Variants in C2CD3 observed in about 807,000 individuals in gnomAD.
C2CD3 encodes C2 domain-containing protein 3.
Under a neutral mutation model 234.0 loss-of-function variants are expected in C2CD3, and 148 were observed. That is an observed-to-expected ratio of 0.63 (90% CI 0.55 to 0.72). The LOEUF (loss-of-function observed/expected upper bound fraction) is 0.72. Among genes scored for constraint, C2CD3 ranks in the 30% least tolerant of loss-of-function variants. C2CD3 has a pLI of 0.00. For missense variants in C2CD3, 2,577 were observed against 2,811.5 expected, an observed-to-expected ratio of 0.92 and a Z score of 1.89; for synonymous variants, 1,000 against 1,035.4, an observed-to-expected ratio of 0.97 and a Z score of 0.66.
chr11:74,094,962 T>G (rs933159220), intron 17 of C2CD3, among the ~76,000 whole-genome samples: 2 of 152,066 alleles, frequency 1.3e-5, no homozygotes, highest in African/African-American at 2.4e-5. Flanking sequence ...ATAGGGCAAA[T>G]GCAAATAATT....
At chr11:74,149,418 C>T (rs1012136149) in intron 3 of C2CD3, among the ~76,000 whole-genome samples, 2 of 152,004 alleles carry the variant, frequency 1.3e-5, no homozygotes, top group Admixed American at 6.6e-5. Flanking sequence ...CCAGGCTGAA[C>T]GTGAACTCCT....
intron 3 of C2CD3, among the ~76,000 whole-genome samples, chr11:74,151,543 T>G (rs1855662047): frequency 6.6e-6 from 1 of 151,532 alleles, no homozygotes; most frequent in Non-Finnish European, 1.5e-5. Flanking sequence ...GCCAGGCTGG[T>G]TTCAAACTCC....
chr11:74,132,904 T>C lies in C2CD3; in HGVS notation c.1157A>G (p.Asn386Ser). The stretch of plus-strand genomic sequence containing the variant: ...TTTTGTGTCATGTCTCCAAAATGTA[T>C]TCTCAGTTGAAGGGAGGAGGTGATC... ...IEDHLLPSTE[N>S]TFWRHDTKAD... The change falls in exon 7 of 33, where the codon AAT becomes AGT. Residue 386 changes from asparagine to serine, a missense_variant. Coordinates refer to ENST00000334126, the MANE Select transcript of C2CD3 (RefSeq NM_001286577.2). 6.2e-7 allele frequency: 1 copy of C among 1,613,824 alleles called. No homozygotes were observed. Among genetic ancestry groups the C allele is most frequent in the Non-Finnish European group, 8.5e-7 (1 of 1,179,724 alleles).
chr11:74,163,509 G>A (rs1004319571), intron 2 of C2CD3, among the ~76,000 whole-genome samples: 18 of 152,140 alleles, frequency 1.2e-4, no homozygotes, highest in Non-Finnish European at 2.5e-4. Flanking sequence ...TCACAAGTGC[G>A]GTTCTCCTTA....
chr11:74,020,696 G>C (rs1316932958), intron 32 of C2CD3, among the ~76,000 whole-genome samples: 1 of 152,212 alleles, frequency 6.6e-6, no homozygotes, highest in Admixed American at 6.5e-5. Flanking sequence ...CCTGTCTTCT[G>C]CACCTAGCTC....
chr11:74,127,917 T>A (rs1417352190), intron 7 of C2CD3, among the ~76,000 whole-genome samples: 1 of 151,806 alleles, frequency 6.6e-6, no homozygotes, highest in Admixed American at 6.6e-5. Flanking sequence ...GGCTGGAGTG[T>A]AGTGGCGCGA....
In C2CD3 at chr11:74,123,242, T is replaced by G. The variant is rs1274174073; in HGVS notation, c.1218-107A>C. 2.7e-5 allele frequency: 21 copies of G among 763,638 alleles called. No homozygotes were observed. The East Asian group carries it at 5.4e-4, about 19-fold the overall frequency. 47.3% of individuals were successfully genotyped at this position (763,638 alleles called of 1,614,324 possible). ...GGTTCTAAATGTGGAAGGAGATATG[T>G]TAAACAAAAGACTCACATTAAACAA... On this transcript the variant is annotated intron_variant, in intron 7 of 32. Transcript: ENST00000334126.
At chr11:74,077,608 A>G (rs938782887) in intron 23 of C2CD3, among the ~76,000 whole-genome samples, 1 of 151,190 alleles carries the variant, frequency 6.6e-6, no homozygotes, top group Non-Finnish European at 1.5e-5. Context: ...GGAGGGGAAC[A>G]TCATACACTG....
chr11:74,151,609 G>A (rs1353795755), intron 3 of C2CD3, among the ~76,000 whole-genome samples: 1 of 152,118 alleles, frequency 6.6e-6, no homozygotes, highest in Non-Finnish European at 1.5e-5. Flanking sequence ...TTACAGGCAT[G>A]AGCCAACGTG....
Position 74,052,350 on chromosome 11 carries a change from C to A in C2CD3, c.5155+2257G>T, listed in dbSNP as rs1055124710. The stretch of plus-strand genomic sequence containing the variant: ...GTACTTTACATATATTATCTCTAAT[C>A]CTCACAAATTCTGCAAGGCCAGTAC... On this transcript the variant is annotated intron_variant, in intron 26 of 32. Transcript: ENST00000334126. 5.9e-5 allele frequency among the ~76,000 whole-genome samples: 9 copies of A among 152,154 alleles called. No individual in the cohort carries two copies. In the East Asian group the frequency reaches 1.5e-3, roughly 26 times the overall value.
At chr11:74,155,268 A>G (rs1855934601) in intron 3 of C2CD3, among the ~76,000 whole-genome samples, 1 of 152,252 alleles carries the variant, frequency 6.6e-6, no homozygotes, top group Admixed American at 6.5e-5. Flanking sequence ...AATAAAAAAT[A>G]CACAAATATT....
At chr11:74,060,126 G>A (rs570597136) in intron 24 of C2CD3, among the ~76,000 whole-genome samples, 2 of 152,232 alleles carry the variant, frequency 1.3e-5, no homozygotes, top group Admixed American at 6.5e-5. Flanking sequence ...TGGGAAGCTC[G>A]AACTGGGTGG....
intron 32 of C2CD3, among the ~76,000 whole-genome samples, chr11:74,014,814 G>C (rs1310475836): frequency 6.6e-6 from 1 of 152,188 alleles, no homozygotes; most frequent in Non-Finnish European, 1.5e-5. Flanking sequence ...TAGAAGTGTG[G>C]ATGGGAAACC....
At position 74,103,550 on chromosome 11, in the gene C2CD3, T is replaced by C; in HGVS notation, c.2161A>G (p.Thr721Ala). 6.2e-7 allele frequency: 1 copy of C among 1,613,796 alleles called. No individual in the cohort carries two copies. The highest frequency in any genetic ancestry group is 8.5e-7 in the Non-Finnish European group (1 of 1,179,794). Residue 721 changes from threonine to alanine, a missense_variant, in exon 14 of 33, where the codon ACC becomes GCC. Physicochemically the swap from Thr to Ala is moderately conservative, Grantham distance 58. Coordinates refer to ENST00000334126, the MANE Select transcript of C2CD3 (RefSeq NM_001286577.2). ...NTKLSGNTHYTPLCAPTSPNK... is the reference protein window; with the variant it reads ...NTKLSGNTHYAPLCAPTSPNK... ...GGACTTGTAGGAGCACAAAGTGGGG[T>C]ATAATGGGTGTTGCCACTTAACTTA...
chr11:74,115,511 T>C (rs753261570), intron 9 of C2CD3, among the ~76,000 whole-genome samples: 1 of 152,048 alleles, frequency 6.6e-6, no homozygotes, highest in Non-Finnish European at 1.5e-5. Flanking sequence ...ATTATACCTA[T>C]CTTGGTAGAA....
intron 3 of C2CD3, among the ~76,000 whole-genome samples, chr11:74,140,523 G>C (rs1406067307): frequency 6.6e-6 from 1 of 152,098 alleles, no homozygotes; most frequent in African/African-American, 2.4e-5. Context: ...AGGCCATCAG[G>C]AAAGTATATT....
intron 7 of C2CD3, among the ~76,000 whole-genome samples, chr11:74,130,687 A>G (rs1275674303): frequency 6.6e-6 from 1 of 152,142 alleles, no homozygotes; most frequent in Admixed American, 6.5e-5. Flanking sequence ...TATCAACTCT[A>G]TTCCATTGAT....
At chr11:74,098,555 C>A (rs974804654) in intron 15 of C2CD3, among the ~76,000 whole-genome samples, 2 of 152,074 alleles carry the variant, frequency 1.3e-5, no homozygotes, top group Non-Finnish European at 2.9e-5. Context: ...TGCTAAACTG[C>A]ATTATTTTAA....
chr11:74,054,459 C>G (rs1953862953), intron 26 of C2CD3, 148 bp downstream of exon 26: 1 of 530,494 alleles, frequency 1.9e-6, no homozygotes, highest in Admixed American at 3.7e-5. Context: ...TTACCCTCTA[C>G]CACATATCTG....
Sources: allele counts gnomAD v4.1 joint callset (sites outside exome capture counted in the v4.1 genomes callset), GRCh38; gene constraint gnomAD v4.1.1; transcripts MANE v1.5; gene names NCBI Gene and HGNC (gene_info 2026-07-23, HGNC 2026-07-21).